Variants in CCDC134 observed in about 807,000 individuals in gnomAD.
CCDC134 encodes the protein coiled-coil domain-containing protein 134.
In CCDC134, 27 loss-of-function variants were observed where a neutral mutation model predicts 25.6. That is an observed-to-expected ratio of 1.05 (90% CI 0.78 to 1.45). The LOEUF (loss-of-function observed/expected upper bound fraction) is 1.45, where lower values mean the gene tolerates loss of function less well. CCDC134 is among the 40% of genes most tolerant of loss of function. CCDC134 has a pLI of 0.00. For synonymous variants in CCDC134, 110 were observed against 115.0 expected (o/e 0.96, Z 0.28); for missense variants, 261 against 286.7 (o/e 0.91, Z 0.65).
rs2076692137 is a variant in CCDC134 at position 41,828,914 on chromosome 22, C to A, written c.*3091C>A. On this transcript the variant is annotated 3_prime_UTR_variant, in exon 7 of 7. Coordinates refer to ENST00000255784, the MANE Select transcript of CCDC134 (RefSeq NM_024821.5). ...TTCAGTGTGATCTTGGACATTGCTC[C>A]TGTCTACTCAGCTGCTAGTCTGTGA... Among the ~76,000 whole-genome samples, 1 of 152,196 alleles carries A rather than the reference C, an allele frequency of 6.6e-6. No individual in the cohort carries two copies. The highest frequency in any genetic ancestry group is 1.5e-5 in the Non-Finnish European group (1 of 68,042).
At chr22:41,806,881 T>C (rs539692725) in intron 1 of CCDC134, among the ~76,000 whole-genome samples, 1 of 152,172 alleles carries the variant, frequency 6.6e-6, no homozygotes, top group Admixed American at 6.5e-5. Context: ...ACCCCGTTGC[T>C]ACTAAAAATA....
rs546629848 is a variant in CCDC134 at position 41,800,985 on chromosome 22, T to G, written c.-17+219T>G. ...AGCTGGCTCAAGGCCCGCCACTACC[T>G]GGTACCTCTGCAGGAGTTCAGAGCC... is the stretch of plus-strand genomic sequence containing the variant. On this transcript the variant is annotated intron_variant, in intron 1 of 6. Transcript: ENST00000255784. 3.3e-5 allele frequency among the ~76,000 whole-genome samples: 5 copies of G among 152,256 alleles called. No individual in the cohort carries two copies. In the South Asian group the frequency reaches 1.0e-3, roughly 32 times the overall value.
intron 4 of CCDC134, among the ~76,000 whole-genome samples, chr22:41,812,053 A>G (rs891601216): frequency 6.6e-6 from 1 of 152,144 alleles, no homozygotes; most frequent in African/African-American, 2.4e-5. Flanking sequence ...ATTCAAATTA[A>G]GTCTGTTAGG....
rs2076683010 is a variant in CCDC134 at position 41,826,997 on chromosome 22, T to G, written c.*1174T>G. 6.6e-6 allele frequency among the ~76,000 whole-genome samples: 1 copy of G among 152,264 alleles called. No homozygotes were observed. Among genetic ancestry groups the G allele is most frequent in the South Asian group, 2.1e-4 (1 of 4,838 alleles). ...AGCCCTTCAGATTTGCTGACTGGCC[T>G]TGGCCCACCCCTCCCTGTGCTGCAG... On this transcript the variant is annotated 3_prime_UTR_variant, in exon 7 of 7. Coordinates refer to ENST00000255784, the MANE Select transcript of CCDC134 (RefSeq NM_024821.5).
At chr22:41,823,693 A>C (rs2076662912) in intron 6 of CCDC134, among the ~76,000 whole-genome samples, 1 of 152,218 alleles carries the variant, frequency 6.6e-6, no homozygotes, top group South Asian at 2.1e-4. Flanking sequence ...ATAAGGGAGG[A>C]ACCAACCCTG....
At position 41,810,227 on chromosome 22, in the gene CCDC134, A is replaced by G. The variant is rs927848186; in HGVS notation, c.246A>G (p.Thr82=). 1 of 1,614,094 alleles carries G rather than the reference A, an allele frequency of 6.2e-7. No individual in the cohort carries two copies. Among genetic ancestry groups the G allele is most frequent in the Admixed American group, 1.7e-5 (1 of 60,020 alleles). The stretch of plus-strand genomic sequence containing the variant: ...CTCAGGTGCTGGAGGACTCCCGGAC[A>G]GTGCTCACCGCTGCTGATGTGCTCC... ...GLFKVLEDSR[T]VLTAADVLPD... The change falls in exon 4 of 7, where the codon ACA becomes ACG. Residue 82 remains threonine (T), a synonymous_variant. Coordinates refer to ENST00000255784, the MANE Select transcript of CCDC134 (RefSeq NM_024821.5).
At chr22:41,816,685 G>C (rs1010567459) in intron 6 of CCDC134, among the ~76,000 whole-genome samples, 3 of 152,176 alleles carry the variant, frequency 2.0e-5, no homozygotes, top group Admixed American at 2.0e-4. Context: ...TTGGGAGACC[G>C]AGGTGGGCGG....
intron 6 of CCDC134, among the ~76,000 whole-genome samples, chr22:41,816,737 G>A (rs1223553831): frequency 6.6e-6 from 1 of 152,164 alleles, no homozygotes; most frequent in African/African-American, 2.4e-5. Flanking sequence ...GGCCAACATG[G>A]TGAAACCCCG....
Position 41,825,676 on chromosome 22 carries a change from A to G in CCDC134, c.565-22A>G, listed in dbSNP as rs1453921113. ...TCTTTGCTGCCACAGACTAAATCAG[A>G]CTGCTCTTCTCTTCCCTTCAGTTCA... On this transcript the variant is annotated intron_variant, in intron 6 of 6. Coordinates refer to ENST00000255784, the MANE Select transcript of CCDC134 (RefSeq NM_024821.5). This position sits in a 1 kb window ranked among gnomAD's most constrained non-coding sequence, Gnocchi z 4.4. 3 of 1,613,622 alleles carry G rather than the reference A, an allele frequency of 1.9e-6. No individual in the cohort carries two copies. The highest frequency in any genetic ancestry group is 2.2e-5 in the South Asian group (2 of 91,070).
At chr22:41,805,852 G>A (rs943518008) in intron 1 of CCDC134, among the ~76,000 whole-genome samples, 2 of 152,156 alleles carry the variant, frequency 1.3e-5, no homozygotes, top group African/African-American at 4.8e-5. Context: ...TAGGAGGCTT[G>A]TTTAAGCCCA....
chr22:41,818,611 A>C (rs2076633805), intron 6 of CCDC134, among the ~76,000 whole-genome samples: 1 of 152,180 alleles, frequency 6.6e-6, no homozygotes, highest in African/African-American at 2.4e-5. Context: ...GAACCTGTGA[A>C]TCGAGGGTCC....
intron 1 of CCDC134, among the ~76,000 whole-genome samples, chr22:41,806,158 A>G (rs192257210): frequency 2.5e-3 from 383 of 151,800 alleles, no homozygotes; most frequent in Non-Finnish European, 4.3e-3. Context: ...TCAGAACCAC[A>G]GATGACAAAG....
intron 6 of CCDC134, among the ~76,000 whole-genome samples, chr22:41,816,099 C>G (rs2069977044): frequency 1.3e-5 from 2 of 152,186 alleles, no homozygotes. Context: ...GATTGACCTG[C>G]CAATCTTTGA....
intron 6 of CCDC134, among the ~76,000 whole-genome samples, chr22:41,820,218 G>A (rs1462102031): frequency 2.6e-5 from 4 of 151,084 alleles, no homozygotes; most frequent in African/African-American, 7.3e-5. Context: ...GGATCGTCTC[G>A]ATCTTCTGAC....
At chr22:41,818,849 T>C (rs1170876411) in intron 6 of CCDC134, among the ~76,000 whole-genome samples, 1 of 152,224 alleles carries the variant, frequency 6.6e-6, no homozygotes, top group African/African-American at 2.4e-5. Context: ...CAGATTGCCT[T>C]TCCCAGCAAG....
chr22:41,824,747 A>G, intron 6 of CCDC134, among the ~76,000 whole-genome samples: 1 of 152,148 alleles, frequency 6.6e-6, no homozygotes, highest in Admixed American at 6.5e-5. Context: ...GCGACAGAGC[A>G]AGACCTCTGT....
chr22:41,812,449 G>A (rs1198006530), intron 4 of CCDC134, among the ~76,000 whole-genome samples: 1 of 149,510 alleles, frequency 6.7e-6, no homozygotes, highest in African/African-American at 2.5e-5. Flanking sequence ...AAAAAAGGAT[G>A]GTAACATTAG....
rs1186464464 is a variant in CCDC134, at chr22:41,830,623, T to G, written c.*4800T>G. On this transcript the variant is annotated 3_prime_UTR_variant, in exon 7 of 7. Coordinates refer to ENST00000255784, the MANE Select transcript of CCDC134 (RefSeq NM_024821.5). ...TGTATTCTATACCAGCCTCCCTGTGTGTGAACAATGACGAGAACAATGTTG... is the reference window on the plus strand; with the variant it reads ...TGTATTCTATACCAGCCTCCCTGTGGGTGAACAATGACGAGAACAATGTTG... Among the ~76,000 whole-genome samples, 1 of 152,218 alleles carries G rather than the reference T, an allele frequency of 6.6e-6. No homozygotes were observed. Among genetic ancestry groups the G allele is most frequent in the Non-Finnish European group, 1.5e-5 (1 of 68,030 alleles).
chr22:41,813,254 C>T lies in CCDC134; in HGVS notation c.311-10C>T, dbSNP rs139474696. The T allele has an allele frequency of 0.012, 19,048 of 1,614,022 alleles. 225 individuals are homozygous for T. The highest frequency in any genetic ancestry group is 0.011 in the South Asian group (1,021 of 91,078). On this transcript the variant is annotated splice_polypyrimidine_tract_variant and intron_variant, in intron 4 of 6. Transcript: ENST00000255784. ...TCTGCCCTGGCCACTCATCAGGGTC[C>T]TCTCGCCAGCTTTCTCCCACGTGGT...
Sources: allele counts gnomAD v4.1 joint callset (sites outside exome capture counted in the v4.1 genomes callset), GRCh38; gene constraint gnomAD v4.1.1; non-coding constraint Gnocchi (gnomAD v3.1); transcripts MANE v1.5; gene names NCBI Gene and HGNC (gene_info 2026-07-23, HGNC 2026-07-21).